Variants in ATCAY observed in about 807,000 individuals in gnomAD.
The protein encoded by ATCAY is caytaxin.
A neutral mutation model predicts 47.7 loss-of-function variants in ATCAY; 22 were observed. That is an observed-to-expected ratio of 0.46 (90% CI 0.33 to 0.66). The LOEUF (loss-of-function observed/expected upper bound fraction) is 0.66, where lower values mean the gene tolerates loss of function less well. ATCAY is among the 30% of genes least tolerant of loss of function. The pLI is 0.02. For synonymous variants in ATCAY, 216 were observed against 207.6 expected (o/e 1.04, Z -0.35); for missense variants, 452 against 515.0 (o/e 0.88, Z 1.18).
At chr19:3,909,822 C>A (rs2038908081) in intron 7 of ATCAY, among the ~76,000 whole-genome samples, 1 of 152,158 alleles carries the variant, frequency 6.6e-6, no homozygotes, top group Admixed American at 6.6e-5. Flanking sequence ...AGGGGGCTCA[C>A]ACCTCTAATC....
At chr19:3,885,109 T>TAAAAAAA (rs34258948) in intron 1 of ATCAY, among the ~76,000 whole-genome samples, 2 of 70,324 alleles carry the variant, frequency 2.8e-5, no homozygotes, top group African/African-American at 5.4e-5. Context: ...TTTTTTTTTT[T>TAAAAAAA]AAAAAAAAAA....
intron 12 of ATCAY, among the ~76,000 whole-genome samples, chr19:3,921,454 A>G (rs1215518707): frequency 2.0e-5 from 3 of 151,800 alleles, no homozygotes; most frequent in Non-Finnish European, 4.4e-5. Context: ...AAAAGGAAAG[A>G]AAAGAAAAGC....
At chr19:3,899,435 T>G (rs2038796733) in intron 2 of ATCAY, among the ~76,000 whole-genome samples, 1 of 146,454 alleles carries the variant, frequency 6.8e-6, no homozygotes, top group South Asian at 2.2e-4. Context: ...TGCCTCAGCC[T>G]CCCCAGTAGC....
At chr19:3,906,824 C>T (rs913227040) in intron 4 of ATCAY, among the ~76,000 whole-genome samples, 4 of 152,036 alleles carry the variant, frequency 2.6e-5, no homozygotes, top group African/African-American at 9.7e-5. Context: ...CCTACCTGCA[C>T]ACACAGATCA....
chr19:3,894,876 G>C (rs913908924), intron 2 of ATCAY, among the ~76,000 whole-genome samples: 8 of 145,236 alleles, frequency 5.5e-5, no homozygotes, highest in Non-Finnish European at 4.5e-5. Flanking sequence ...TTGAGCCCAG[G>C]AATTTGAGGC....
chr19:3,892,508 T>C (rs1239356034), intron 2 of ATCAY, among the ~76,000 whole-genome samples: 1 of 152,172 alleles, frequency 6.6e-6, no homozygotes, highest in Non-Finnish European at 1.5e-5. Context: ...GCCTATTTGA[T>C]ATACTTCCAA....
intron 10 of ATCAY, among the ~76,000 whole-genome samples, chr19:3,918,541 C>G (rs961988013): frequency 1.4e-5 from 2 of 137,970 alleles, no homozygotes; most frequent in Non-Finnish European, 3.1e-5. Context: ...GGCAACAGAG[C>G]AAGATCCTGT....
At chr19:3,887,758 T>C (rs1211170877) in intron 2 of ATCAY, among the ~76,000 whole-genome samples, 1 of 148,494 alleles carries the variant, frequency 6.7e-6, no homozygotes, top group Non-Finnish European at 1.5e-5. Context: ...AGTGCTGGGA[T>C]TACAGGCGTG....
In ATCAY at chr19:3,903,385, G is replaced by A. The variant is rs2060248; in HGVS notation, c.136+840G>A. ...AGGAGAGTTTTAGCCGTAACCTGGC[G>A]ATTGCAACGTGCCTCCGGAGGCAGG... On this transcript the variant is annotated intron_variant, in intron 3 of 12. Transcript: ENST00000450849. Among the ~76,000 whole-genome samples, 34 of 152,276 alleles carry A rather than the reference G, an allele frequency of 2.2e-4. No homozygotes were observed. In the South Asian group the frequency reaches 4.1e-3, roughly 19 times the overall value.
intron 1 of ATCAY, among the ~76,000 whole-genome samples, chr19:3,883,117 C>T (rs971888703): frequency 2.0e-5 from 3 of 152,016 alleles, no homozygotes; most frequent in Non-Finnish European, 2.9e-5. Context: ...CAGGGTGGCT[C>T]ACACCTGTAA....
intron 2 of ATCAY, among the ~76,000 whole-genome samples, chr19:3,896,345 G>A (rs2038770061): frequency 6.7e-6 from 1 of 149,882 alleles, no homozygotes; most frequent in Non-Finnish European, 1.5e-5. Context: ...TCAGCTCACT[G>A]CAACCTCCAC....
chr19:3,906,095 C>T (rs2145244702), intron 4 of ATCAY, among the ~76,000 whole-genome samples: 1 of 150,046 alleles, frequency 6.7e-6, no homozygotes, highest in African/African-American at 2.5e-5. Context: ...GGTGTGAACC[C>T]AGGAGGCCGA....
intron 9 of ATCAY, among the ~76,000 whole-genome samples, chr19:3,915,450 G>A (rs1325313826): frequency 6.6e-6 from 1 of 151,774 alleles, no homozygotes; most frequent in Non-Finnish European, 1.5e-5. Flanking sequence ...CTCCCAAAGT[G>A]CTGGGATTAC....
At chr19:3,903,667 G>T (rs1305201310) in intron 3 of ATCAY, among the ~76,000 whole-genome samples, 1 of 151,718 alleles carries the variant, frequency 6.6e-6, no homozygotes, top group African/African-American at 2.4e-5. Flanking sequence ...GGGACTACAG[G>T]TACACACCAC....
chr19:3,917,786 A>G lies in ATCAY; in HGVS notation c.1001+9A>G. 6.2e-7 allele frequency: 1 copy of G among 1,609,234 alleles called. No homozygotes were observed. The highest frequency in any genetic ancestry group is 1.3e-5 in the African/African-American group (1 of 74,740). ...AAGGCCAGGAGGGAGAGGTGTGTGC[A>G]GAGTGGTTTCTGCTGGGGCTGGGTC... On this transcript the variant is annotated intron_variant, in intron 10 of 12. Coordinates refer to ENST00000450849, the MANE Select transcript of ATCAY (RefSeq NM_033064.5).
chr19:3,918,807 G>T lies in ATCAY; in HGVS notation c.1003G>T (p.Ala335Ser), dbSNP rs572107692. ...EERLKARRES[A>S]RPQPEFVLPR... is the part of the protein sequence containing the mutation. ...TCACCTCGTTCTCTCTGTCCACAGC[G>T]CGAGGCCCCAGCCGGAGTTTGTGCT... Residue 335 changes from alanine to serine, a missense_variant and splice_region_variant, in exon 11 of 13, where the codon GCG becomes TCG. Physicochemically the swap from Ala to Ser is moderately conservative, Grantham distance 99. Transcript: ENST00000450849. 5 of 1,613,930 alleles carry T rather than the reference G, an allele frequency of 3.1e-6. No homozygotes were observed. Among genetic ancestry groups the T allele is most frequent in the Non-Finnish European group, 4.2e-6 (5 of 1,179,840 alleles).
intron 5 of ATCAY, 29 bp from the exon 6 acceptor site, chr19:3,908,239 G>A (rs747762897): frequency 9.1e-6 from 14 of 1,542,984 alleles, no homozygotes; most frequent in East Asian, 2.4e-5. Flanking sequence ...AGAGGACTCT[G>A]ACGTTGCCGA....
Position 3,885,852 on chromosome 19 carries a change from T to G in ATCAY, c.77+8T>G, listed in dbSNP as rs1376568064. 6.4e-7 allele frequency: 1 copy of G among 1,551,552 alleles called. No individual in the cohort carries two copies. The highest frequency in any genetic ancestry group is 8.7e-7 in the Non-Finnish European group (1 of 1,147,408). The stretch of plus-strand genomic sequence containing the variant: ...GGACGAAGATCTTCCCAGGTAGGAC[T>G]TCCACATCCCTGAGTCAACCGTTGG... On this transcript the variant is annotated splice_region_variant and intron_variant, in intron 2 of 12. Coordinates refer to ENST00000450849, the MANE Select transcript of ATCAY (RefSeq NM_033064.5).
intron 11 of ATCAY, among the ~76,000 whole-genome samples, chr19:3,919,793 C>T (rs2039000684): frequency 6.6e-6 from 1 of 151,490 alleles, no homozygotes; most frequent in Non-Finnish European, 1.5e-5. Context: ...CTCATATTAT[C>T]GCAATCTCAA....
Sources: allele counts gnomAD v4.1 joint callset (sites outside exome capture counted in the v4.1 genomes callset), GRCh38; gene constraint gnomAD v4.1.1; transcripts MANE v1.5; gene names NCBI Gene and HGNC (gene_info 2026-07-23, HGNC 2026-07-21).